The following PTPRN2 variants were observed in gnomAD, a reference collection of about 807,000 sequenced individuals.
The protein encoded by PTPRN2 is receptor-type tyrosine-protein phosphatase N2.
Under a neutral mutation model 118.8 loss-of-function variants are expected in PTPRN2, and 74 were observed. The observed-to-expected ratio is 0.62, with a 90% CI of 0.52 to 0.76. The LOEUF is 0.76. PTPRN2 is among the 30% of genes least tolerant of loss of function. The probability of loss-of-function intolerance (pLI) is 0.00; values close to 1 mark genes in which losing one functional copy is unlikely to be tolerated. For missense variants in PTPRN2, 1,481 were observed against 1,394.4 expected (o/e 1.06, Z -0.99); for synonymous variants, 641 against 608.0 (o/e 1.05, Z -0.80).
chr7:158,070,330 TGTGGAGGTGCCCGTGGTG>T (rs1811130184), intron 11 of PTPRN2, among the ~76,000 whole-genome samples: 3 of 125,882 alleles, frequency 2.4e-5, no homozygotes, highest in Admixed American at 7.7e-5. Flanking sequence ...GTGCTCGTGG[TGTGGAGGTGCCCGTGGTG>T]GTGGAGGTGC....
At chr7:158,451,524 T>G (rs1239424969) in intron 2 of PTPRN2, among the ~76,000 whole-genome samples, 1 of 152,222 alleles carries the variant, frequency 6.6e-6, no homozygotes, top group Admixed American at 6.5e-5. Context: ...CCGAAAGAAA[T>G]TCGGTCCAGG....
chr7:157,957,807 C>T (rs1297043769), intron 11 of PTPRN2, among the ~76,000 whole-genome samples: 1 of 152,018 alleles, frequency 6.6e-6, no homozygotes, highest in Non-Finnish European at 1.5e-5. Context: ...TAAATTTTAC[C>T]AAACATTTAA....
chr7:158,283,108 G>A (rs1799536993), intron 3 of PTPRN2, among the ~76,000 whole-genome samples: 1 of 152,260 alleles, frequency 6.6e-6, no homozygotes, highest in Non-Finnish European at 1.5e-5. Flanking sequence ...CTGAGGAAAG[G>A]TAGCGCTGAT....
chr7:158,264,599 T>A (rs1477623542), intron 3 of PTPRN2, among the ~76,000 whole-genome samples: 2 of 151,936 alleles, frequency 1.3e-5, no homozygotes, highest in Non-Finnish European at 2.9e-5. Flanking sequence ...TGCAACAGTC[T>A]AGGAAGAGAC....
At chr7:158,040,050 C>A (rs1808341616) in intron 11 of PTPRN2, among the ~76,000 whole-genome samples, 1 of 150,122 alleles carries the variant, frequency 6.7e-6, no homozygotes. Context: ...TAAAAACTCC[C>A]CAAGACAAAA....
intron 2 of PTPRN2, among the ~76,000 whole-genome samples, chr7:158,338,323 G>A (rs1806086834): frequency 2.2e-5 from 1 of 45,664 alleles, no homozygotes; most frequent in Non-Finnish European, 4.2e-5. Context: ...CACCATAAGA[G>A]CTGACACCCG....
intron 12 of PTPRN2, among the ~76,000 whole-genome samples, chr7:157,770,825 C>G (rs187226483): frequency 5.4e-4 from 82 of 152,308 alleles, no homozygotes; most frequent in African/African-American, 1.9e-3. Context: ...CACTTGCCCC[C>G]GAGGTGAGAC....
intron 1 of PTPRN2, among the ~76,000 whole-genome samples, chr7:158,569,004 T>C (rs919216239): frequency 1.6e-4 from 25 of 152,114 alleles, no homozygotes; most frequent in African/African-American, 5.8e-4. Context: ...ATTAGGCCTG[T>C]GGTCCCCGCT....
In PTPRN2 at chr7:158,169,007, C is replaced by T. The variant is rs370588652; in HGVS notation, c.550-1716G>A. On this transcript the variant is annotated intron_variant, in intron 5 of 22. Transcript: ENST00000389418. ...TGTGTGGACACCCCAGTTTAAATCC[C>T]ATCCGTTCATATTTTCTACTTGCAC... 3.9e-5 allele frequency among the ~76,000 whole-genome samples: 6 copies of T among 152,324 alleles called. No homozygotes were observed. The East Asian group carries it at 9.7e-4, about 25-fold the overall frequency.
At chr7:158,287,225 TTTCTTAGTCTAA>T (rs982433008) in intron 3 of PTPRN2, among the ~76,000 whole-genome samples, 18 of 152,144 alleles carry the variant, frequency 1.2e-4, no homozygotes, top group Non-Finnish European at 1.5e-5. Context: ...TTTTCTCTTT[TTTCTTAGTCTAA>T]AGGTTTTCAA....
At chr7:158,109,343 G>A (rs1387297267) in intron 10 of PTPRN2, among the ~76,000 whole-genome samples, 1 of 150,444 alleles carries the variant, frequency 6.6e-6, no homozygotes, top group East Asian at 2.0e-4. Context: ...CATCACCCCT[G>A]TGTGAAGGAG....
chr7:158,098,310 G>T (rs575306452), intron 10 of PTPRN2, among the ~76,000 whole-genome samples: 1 of 152,232 alleles, frequency 6.6e-6, no homozygotes, highest in Non-Finnish European at 1.5e-5. Flanking sequence ...CACCGGGGGG[G>T]CTCCCTGGGG....
intron 11 of PTPRN2, among the ~76,000 whole-genome samples, chr7:157,951,850 C>T (rs533941805): frequency 4.5e-4 from 69 of 152,352 alleles, no homozygotes; most frequent in African/African-American, 1.5e-3. Flanking sequence ...GCCAGTGAGT[C>T]AGCCATGGTT....
intron 2 of PTPRN2, among the ~76,000 whole-genome samples, chr7:158,376,369 C>T (rs2151330701): frequency 6.7e-6 from 1 of 150,208 alleles, no homozygotes; most frequent in South Asian, 2.1e-4. Flanking sequence ...TCCCACAGTC[C>T]TGTCACACGT....
intron 12 of PTPRN2, among the ~76,000 whole-genome samples, chr7:157,782,521 T>C (rs1399100602): frequency 6.6e-6 from 1 of 152,180 alleles, no homozygotes; most frequent in Non-Finnish European, 1.5e-5. Flanking sequence ...GGTCAACCTA[T>C]GAAATCACAC....
chr7:158,263,854 G>A (rs1797702488), intron 3 of PTPRN2, among the ~76,000 whole-genome samples: 1 of 152,218 alleles, frequency 6.6e-6, no homozygotes, highest in African/African-American at 2.4e-5. Context: ...AGGCTGCAAT[G>A]ACGGCCGAGC....
chr7:157,995,707 C>T (rs1007353673), intron 11 of PTPRN2, among the ~76,000 whole-genome samples: 9 of 152,198 alleles, frequency 5.9e-5, no homozygotes, highest in Non-Finnish European at 1.2e-4. Context: ...CATGAGCAGG[C>T]GGCGTAGCAC....
At chr7:158,388,609 A>C (rs1375641615) in intron 2 of PTPRN2, among the ~76,000 whole-genome samples, 1 of 152,088 alleles carries the variant, frequency 6.6e-6, no homozygotes, top group Non-Finnish European at 1.5e-5. Context: ...AGCTCCATGA[A>C]CCTCTCACTT....
At chr7:157,766,642 C>T (rs923549393) in intron 12 of PTPRN2, among the ~76,000 whole-genome samples, 11 of 152,212 alleles carry the variant, frequency 7.2e-5, no homozygotes, top group Admixed American at 3.3e-4. Context: ...GCCTGTGCTG[C>T]GGGTCCTATT....
Sources: allele counts gnomAD v4.1 joint callset (sites outside exome capture counted in the v4.1 genomes callset), GRCh38; gene constraint gnomAD v4.1.1; transcripts MANE v1.5; gene names NCBI Gene and HGNC (gene_info 2026-07-23, HGNC 2026-07-21).